IMPG1: variants seen among roughly 807,000 people sequenced by gnomAD.
IMPG1 encodes interphotoreceptor matrix proteoglycan 1.
Under a neutral mutation model 92.0 loss-of-function variants are expected in IMPG1, and 85 were observed. The ratio of observed to expected loss-of-function variants is 0.92; its 90% confidence interval spans 0.78 to 1.11. The LOEUF is 1.11. Ranked by LOEUF, IMPG1 falls within the 50% of genes least tolerant of loss-of-function variation. IMPG1 has a pLI of 0.00. For synonymous variants in IMPG1, 367 were observed against 334.1 expected, an observed-to-expected ratio of 1.10 and a Z score of -1.08; for missense variants, 1,022 against 956.0, an observed-to-expected ratio of 1.07 and a Z score of -0.91.
At chr6:75,969,439 T>C (rs963259492) in intron 12 of IMPG1, among the ~76,000 whole-genome samples, 1 of 152,128 alleles carries the variant, frequency 6.6e-6, no homozygotes, top group Admixed American at 6.5e-5. Flanking sequence ...TTTTATTTGT[T>C]AATTAAAAAT....
At chr6:75,958,857 CT>C (rs1193374896) in intron 12 of IMPG1, among the ~76,000 whole-genome samples, 3 of 152,038 alleles carry the variant, frequency 2.0e-5, no homozygotes, top group Non-Finnish European at 4.4e-5. Flanking sequence ...TATTATCCAC[CT>C]TCTGAAGCCT....
At chr6:75,931,292 G>A (rs985540225) in intron 14 of IMPG1, 141 bp from the exon 15 acceptor site, 8 of 683,112 alleles carry the variant, frequency 1.2e-5, no homozygotes, top group East Asian at 2.7e-5. Context: ...CAGACTGGAG[G>A]GAAAAGAACC....
intron 4 of IMPG1, among the ~76,000 whole-genome samples, chr6:76,026,462 A>G (rs978768682): frequency 4.0e-5 from 6 of 151,806 alleles, no homozygotes; most frequent in Admixed American, 2.0e-4. Context: ...CTTTCCTTCC[A>G]TTCTCAGGGT....
At chr6:76,055,086 G>A (rs1784098970) in intron 1 of IMPG1, among the ~76,000 whole-genome samples, 1 of 151,948 alleles carries the variant, frequency 6.6e-6, no homozygotes, top group Non-Finnish European at 1.5e-5. Flanking sequence ...GGACATGTAT[G>A]AGGCATCATA....
intron 14 of IMPG1, among the ~76,000 whole-genome samples, chr6:75,945,347 T>C (rs1320156669): frequency 1.4e-5 from 2 of 146,826 alleles, no homozygotes; most frequent in East Asian, 2.0e-4. Context: ...TTTCTTCTCT[T>C]TTTTTTTTTT....
chr6:75,951,552 C>T (rs1782031989), intron 12 of IMPG1, among the ~76,000 whole-genome samples: 1 of 152,102 alleles, frequency 6.6e-6, no homozygotes, highest in South Asian at 2.1e-4. Context: ...AAATTTTATT[C>T]ACTTTCCAAT....
intron 10 of IMPG1, 79 bp downstream of exon 10, chr6:76,005,208 A>G: frequency 7.0e-7 from 1 of 1,427,006 alleles, no homozygotes; most frequent in Admixed American, 2.0e-5. Context: ...AGTTAAAATG[A>G]CAGTTTCCAT....
At chr6:75,991,402 A>G (rs968415553) in intron 12 of IMPG1, among the ~76,000 whole-genome samples, 4 of 152,054 alleles carry the variant, frequency 2.6e-5, no homozygotes, top group Non-Finnish European at 4.4e-5. Context: ...GAAATAAAAA[A>G]AAAAAAAGGC....
At chr6:75,943,645 C>G (rs1275853610) in intron 14 of IMPG1, among the ~76,000 whole-genome samples, 2 of 152,210 alleles carry the variant, frequency 1.3e-5, no homozygotes, top group African/African-American at 4.8e-5. Context: ...AGCTGGTATT[C>G]CATCTCCCCA....
intron 12 of IMPG1, among the ~76,000 whole-genome samples, chr6:75,976,219 G>C (rs989503728): frequency 6.6e-6 from 1 of 152,154 alleles, no homozygotes; most frequent in African/African-American, 2.4e-5. Flanking sequence ...CTTAACATTT[G>C]CCAAAGGTAG....
At chr6:75,961,886 A>G (rs1218509120) in intron 12 of IMPG1, among the ~76,000 whole-genome samples, 1 of 152,138 alleles carries the variant, frequency 6.6e-6, no homozygotes, top group Non-Finnish European at 1.5e-5. Flanking sequence ...ACCTTTTCTT[A>G]GCGTGTGTTT....
At chr6:76,034,367 G>A in intron 3 of IMPG1, 24 bp from the exon 4 acceptor site, 1 of 1,605,378 alleles carries the variant, frequency 6.2e-7, no homozygotes, top group Admixed American at 1.7e-5. Context: ...AAGATAAAAT[G>A]TAATTTTACC....
chr6:75,989,522 A>T (rs1004166476), intron 12 of IMPG1, among the ~76,000 whole-genome samples: 2 of 152,218 alleles, frequency 1.3e-5, no homozygotes, highest in African/African-American at 2.4e-5. Context: ...GAGGATCTAA[A>T]GAGTATATTT....
intron 12 of IMPG1, among the ~76,000 whole-genome samples, chr6:75,994,500 A>G (rs1479436899): frequency 6.6e-6 from 1 of 152,216 alleles, no homozygotes; most frequent in Non-Finnish European, 1.5e-5. Context: ...GAGGCTGGGT[A>G]ATTTATAAAG....
In IMPG1 at chr6:75,954,408, C is replaced by G. The variant is rs536887071; in HGVS notation, c.1292-3314G>C. Among the ~76,000 whole-genome samples the G allele has an allele frequency of 3.0e-4, 46 of 152,278 alleles. 1 individual carries two copies. The highest frequency in any genetic ancestry group is 1.1e-3 in the African/African-American group (46 of 41,560). On this transcript the variant is annotated intron_variant, in intron 12 of 16. Transcript: ENST00000369950. ...ATATGTTTGTTGGCCGCATAAATGT[C>G]TCCTTTTCAGAAGTGTCTGTTCACA...
chr6:75,938,872 A>T (rs1345179961), intron 14 of IMPG1, among the ~76,000 whole-genome samples: 1 of 151,942 alleles, frequency 6.6e-6, no homozygotes. Flanking sequence ...TGACCAAGAC[A>T]GCCTTAATAT....
At chr6:75,961,468 A>G (rs755153932) in intron 12 of IMPG1, among the ~76,000 whole-genome samples, 8 of 152,330 alleles carry the variant, frequency 5.3e-5, no homozygotes, top group African/African-American at 9.6e-5. Context: ...GCTAAAATAT[A>G]TAAGTGATCA....
chr6:76,027,823 A>C (rs1453430586), intron 4 of IMPG1, among the ~76,000 whole-genome samples: 1 of 152,212 alleles, frequency 6.6e-6, no homozygotes, highest in African/African-American at 2.4e-5. Flanking sequence ...TCATTTTGGC[A>C]CAATAAATAA....
intron 15 of IMPG1, among the ~76,000 whole-genome samples, chr6:75,929,270 A>C (rs907408291): frequency 6.6e-6 from 1 of 152,114 alleles, no homozygotes; most frequent in Non-Finnish European, 1.5e-5. Flanking sequence ...GAGTATCATC[A>C]ATCTCCTTTT....
Sources: gnomAD v4.1 joint callset for allele counts (sites outside exome capture counted in the v4.1 genomes callset) on GRCh38, gnomAD v4.1.1 for gene constraint, MANE v1.5 for transcripts, NCBI Gene and HGNC (gene_info 2026-07-23, HGNC 2026-07-21) for gene names.